Variants in OCIAD1 observed in about 807,000 individuals in gnomAD.
OCIAD1 encodes the protein OCIA domain-containing protein 1.
In OCIAD1, 29 loss-of-function variants were observed where a neutral mutation model predicts 38.9. The observed-to-expected ratio is 0.74, with a 90% CI of 0.55 to 1.02. The LOEUF (loss-of-function observed/expected upper bound fraction) is 1.02, where lower values mean the gene tolerates loss of function less well. OCIAD1 is among the 50% of genes least tolerant of loss of function. The probability of loss-of-function intolerance (pLI) is 0.00; values close to 1 mark genes in which losing one functional copy is unlikely to be tolerated. For missense variants in OCIAD1, 288 were observed against 289.6 expected, an observed-to-expected ratio of 0.99 and a Z score of 0.04; for synonymous variants, 110 against 92.0, an observed-to-expected ratio of 1.20 and a Z score of -1.12.
At chr4:48,842,550 G>C (rs928554731) in intron 3 of OCIAD1, 86 bp from the exon 4 acceptor site, 58 of 814,788 alleles carry the variant, frequency 7.1e-5, no homozygotes, top group Non-Finnish European at 1.1e-4. Context: ...TTCCTAGATG[G>C]TTTTACTGCT....
At position 48,860,729 on chromosome 4, in the gene OCIAD1, AGTAAAC is replaced by A; in HGVS notation, c.706_711del (p.Val236_Asn237del). The A allele has an allele frequency of 6.3e-7, 1 of 1,598,416 alleles. No homozygotes were observed. The highest frequency in any genetic ancestry group is 8.6e-7 in the Non-Finnish European group (1 of 1,166,656). On this transcript the variant is annotated inframe_deletion, in exon 9 of 9. Transcript: ENST00000264312. Reference sequence around the variant, plus strand: ...TTATTTATGCTTTTTTCCTAGTCAAAGTAAACAAGTATGGAGATACTTGGGATGAGT... The same window carrying A: ...TTATTTATGCTTTTTTCCTAGTCAAAAAGTATGGAGATACTTGGGATGAGT...
chr4:48,809,040 T>C (rs1777059710), intron 1 of OCIAD1, among the ~76,000 whole-genome samples: 1 of 152,214 alleles, frequency 6.6e-6, no homozygotes, highest in African/African-American at 2.4e-5. Context: ...ACTTCAACCA[T>C]CTTAGTTCAA....
At chr4:48,846,857 A>C (rs1316426051) in intron 4 of OCIAD1, among the ~76,000 whole-genome samples, 1 of 152,098 alleles carries the variant, frequency 6.6e-6, no homozygotes, top group African/African-American at 2.4e-5. Flanking sequence ...GCACTTAACC[A>C]CATTGTTGCA....
At chr4:48,856,237 G>C (rs1268970011) in intron 7 of OCIAD1, 1 of 151,824 alleles carries the variant, frequency 6.6e-6, no homozygotes, top group Non-Finnish European at 1.5e-5. Flanking sequence ...GACTCTCTTT[G>C]GGAGAAATAA....
At chr4:48,845,593 G>GT (rs771232666) in intron 4 of OCIAD1, among the ~76,000 whole-genome samples, 1 of 152,024 alleles carries the variant, frequency 6.6e-6, no homozygotes. Flanking sequence ...TCTTGTATGG[G>GT]TTTTTTTGTC....
In OCIAD1 at chr4:48,852,083, A is replaced by G. The variant is rs1229569273; in HGVS notation, c.547+108A>G. The G allele has an allele frequency of 2.3e-5, 18 of 770,258 alleles. No individual in the cohort carries two copies. In the South Asian group the frequency reaches 2.7e-4, roughly 12 times the overall value. The allele number at this position is 770,258 out of a possible 1,614,324, so 47.7% of individuals were successfully genotyped here. A position where few individuals can be genotyped will look rare whatever the true frequency, so the allele number is the denominator to read the frequency against. On this transcript the variant is annotated intron_variant, in intron 7 of 8. Coordinates refer to ENST00000264312, the MANE Select transcript of OCIAD1 (RefSeq NM_017830.4). ...ATATCACCTGTGTGTTCTACCATCA[A>G]TCATCAACCTAAACTCAGCATGTTT...
chr4:48,851,674 T>TA (rs1779483383), intron 6 of OCIAD1, 132 bp from the exon 7 acceptor site: 1 of 463,830 alleles, frequency 2.2e-6, no homozygotes, highest in African/African-American at 2.0e-5. Context: ...AGACCCTGTC[T>TA]CAAAAAAATA....
At chr4:48,833,026 G>A (rs1419889159) in intron 2 of OCIAD1, among the ~76,000 whole-genome samples, 3 of 152,074 alleles carry the variant, frequency 2.0e-5, no homozygotes, top group Non-Finnish European at 2.9e-5. Context: ...TGAGATGGGT[G>A]GAACACCTGA....
At chr4:48,851,126 T>C (rs1277901869) in intron 6 of OCIAD1, among the ~76,000 whole-genome samples, 1 of 152,250 alleles carries the variant, frequency 6.6e-6, no homozygotes, top group Admixed American at 6.5e-5. Context: ...TTAGTGTTTA[T>C]ATAGATTCTT....
chr4:48,850,436 A>AT (rs1779336281), intron 6 of OCIAD1, among the ~76,000 whole-genome samples: 1 of 152,038 alleles, frequency 6.6e-6, no homozygotes, highest in Admixed American at 6.6e-5. Context: ...ATTAAAAAAA[A>AT]ATTTTTTTTA....
At chr4:48,842,731 C>A in intron 4 of OCIAD1, 42 bp downstream of exon 4, 1 of 1,093,540 alleles carries the variant, frequency 9.1e-7, no homozygotes, top group Non-Finnish European at 1.3e-6. Context: ...TTTTGGATAC[C>A]ATGTTTGTTT....
intron 7 of OCIAD1, 158 bp downstream of exon 7, chr4:48,852,133 A>G: frequency 1.8e-6 from 1 of 567,048 alleles, no homozygotes; most frequent in Non-Finnish European, 3.0e-6. Context: ...TCATTCATTC[A>G]ACTTTTCTTG....
At chr4:48,846,428 G>A (rs922063054) in intron 4 of OCIAD1, among the ~76,000 whole-genome samples, 35 of 152,092 alleles carry the variant, frequency 2.3e-4, no homozygotes, top group African/African-American at 7.5e-4. Context: ...TTAAATTTTC[G>A]GGAACTTTGG....
intron 7 of OCIAD1, chr4:48,856,087 T>C (rs1424307393): frequency 6.6e-6 from 1 of 152,186 alleles, no homozygotes; most frequent in African/African-American, 2.4e-5. Flanking sequence ...TCTTTTTTTT[T>C]TAATGTTCAT....
intron 8 of OCIAD1, among the ~76,000 whole-genome samples, chr4:48,857,730 G>A (rs1424543837): frequency 6.6e-6 from 1 of 152,066 alleles, no homozygotes; most frequent in African/African-American, 2.4e-5. Context: ...GGCCAGGATG[G>A]TCTCGATCTT....
At chr4:48,841,802 T>C (rs1482769819) in intron 3 of OCIAD1, among the ~76,000 whole-genome samples, 3 of 152,182 alleles carry the variant, frequency 2.0e-5, no homozygotes, top group African/African-American at 7.2e-5. Flanking sequence ...TTTTAAGTTA[T>C]AGCCCCCTTT....
chr4:48,860,310 ATTT>A (rs201518150), intron 8 of OCIAD1: 2 of 138,022 alleles, frequency 1.4e-5, no homozygotes, highest in African/African-American at 2.7e-5. Flanking sequence ...ATTTCCCACT[ATTT>A]TTTTTTTTTT....
At chr4:48,807,600 C>CT (rs1245208385) in intron 1 of OCIAD1, among the ~76,000 whole-genome samples, 2 of 152,022 alleles carry the variant, frequency 1.3e-5, no homozygotes, top group African/African-American at 4.8e-5. Context: ...TCTTTCTTGC[C>CT]TTTTTTTAAA....
intron 8 of OCIAD1, among the ~76,000 whole-genome samples, chr4:48,859,091 G>C (rs1780361617): frequency 1.3e-5 from 2 of 152,148 alleles, no homozygotes; most frequent in Admixed American, 6.6e-5. Context: ...AAAAATACAT[G>C]AAAGTCCTTA....
Sources: allele counts gnomAD v4.1 joint callset (sites outside exome capture counted in the v4.1 genomes callset), GRCh38; gene constraint gnomAD v4.1.1; transcripts MANE v1.5; gene names NCBI Gene and HGNC (gene_info 2026-07-23, HGNC 2026-07-21).